Variants in IPCEF1 observed in about 807,000 individuals in gnomAD.
IPCEF1 encodes interaction protein for cytohesin exchange factors 1, also known as interactor protein for cytohesin exchange factors 1.
IPCEF1 carries 31 observed loss-of-function variants against 50.9 expected under a neutral mutation model. That is an observed-to-expected ratio of 0.61 (90% confidence interval 0.46 to 0.82). IPCEF1 has a LOEUF of 0.82. Ranked by LOEUF, IPCEF1 falls within the 40% of genes least tolerant of loss-of-function variation. IPCEF1 has a pLI of 0.00. For synonymous variants in IPCEF1, 181 were observed against 192.0 expected (o/e 0.94, Z 0.47); for missense variants, 458 against 514.0 (o/e 0.89, Z 1.05).
intron 8 of IPCEF1, chr6:154,213,431 C>T (rs1470711460): frequency 6.5e-6 from 1 of 153,350 alleles, no homozygotes; most frequent in Non-Finnish European, 1.5e-5. Flanking sequence ...ACAATGGGTA[C>T]TTATTTTATG....
intron 1 of IPCEF1, among the ~76,000 whole-genome samples, chr6:154,315,611 C>A (rs1783196166): frequency 6.6e-6 from 1 of 152,090 alleles, no homozygotes. Flanking sequence ...CCATTAATGA[C>A]AACTAAGTCC....
chr6:154,166,402 G>A (rs940265395), intron 11 of IPCEF1, among the ~76,000 whole-genome samples: 1 of 152,202 alleles, frequency 6.6e-6, no homozygotes, highest in Non-Finnish European at 1.5e-5. Flanking sequence ...AACTGCACAT[G>A]CTCTCCGCGG....
At chr6:154,172,186 TAGGAAC>T (rs1404698326) in intron 10 of IPCEF1, among the ~76,000 whole-genome samples, 2 of 152,212 alleles carry the variant, frequency 1.3e-5, no homozygotes, top group Admixed American at 1.3e-4. Context: ...GATAGCCAAA[TAGGAAC>T]AGCTCCAGTC....
intron 1 of IPCEF1, among the ~76,000 whole-genome samples, chr6:154,340,460 A>G (rs1206419833): frequency 6.6e-6 from 1 of 151,804 alleles, no homozygotes; most frequent in Non-Finnish European, 1.5e-5. Flanking sequence ...CATGTTGGCC[A>G]GGCTAGTCTC....
At position 154,235,351 on chromosome 6, in the gene IPCEF1, C is replaced by T. The variant is rs375392413; in HGVS notation, c.246+11240G>A. 1.4e-3 allele frequency among the ~76,000 whole-genome samples: 213 copies of T among 151,918 alleles called. 1 individual carries two copies. Among genetic ancestry groups the T allele is most frequent in the African/African-American group, 4.8e-3 (199 of 41,450 alleles). ...TTTGAGACCAGCCTGGCCCACATGG[C>T]GAAAACCCGTCTCTACTAAAAATAC... is the stretch of plus-strand genomic sequence containing the variant. On this transcript the variant is annotated intron_variant, in intron 5 of 11. Coordinates refer to ENST00000367220, the MANE Select transcript of IPCEF1 (RefSeq NM_001130700.2).
At chr6:154,354,382 CCACCGTCACCTCCAACCACCAT>C (rs1784167351) in intron 1 of IPCEF1, among the ~76,000 whole-genome samples, 1 of 108,706 alleles carries the variant, frequency 9.2e-6, no homozygotes, top group African/African-American at 3.6e-5. Context: ...TCTGTCACCT[CCACCGTCACCTCCAACCACCAT>C]CTCCACCACC....
chr6:154,353,953 A>G (rs1212835213), intron 1 of IPCEF1, among the ~76,000 whole-genome samples: 2 of 152,222 alleles, frequency 1.3e-5, no homozygotes, highest in Non-Finnish European at 1.5e-5. Flanking sequence ...TCTTTTAAAA[A>G]CTCACTTTCA....
At chr6:154,231,626 G>A (rs12203053) in intron 5 of IPCEF1, among the ~76,000 whole-genome samples, 13,138 of 152,236 alleles carry the variant, frequency 0.086, 984 homozygotes, top group East Asian at 0.42. Context: ...TATATTTAAT[G>A]TGCTAATTTT....
In IPCEF1 at chr6:154,299,515, A is replaced by C. The variant is rs147376531; in HGVS notation, c.-61-9759T>G. On this transcript the variant is annotated intron_variant, in intron 1 of 11. Transcript: ENST00000367220. The stretch of plus-strand genomic sequence containing the variant: ...AACCATTATCCTTAGCAAACACTGC[A>C]TGCCCTCACTTATAAGTGGGAGCTG... 7.1e-4 allele frequency among the ~76,000 whole-genome samples: 100 copies of C among 141,680 alleles called. 9 individuals are homozygous for C. The East Asian group carries it at 0.019, about 27-fold the overall frequency. The allele number at this position is 141,680 out of a possible 152,430, so 92.9% of individuals were successfully genotyped here. A position where few individuals can be genotyped will look rare whatever the true frequency, so the allele number is the denominator to read the frequency against.
At chr6:154,248,046 A>G (rs1191080724) in intron 3 of IPCEF1, among the ~76,000 whole-genome samples, 1 of 152,204 alleles carries the variant, frequency 6.6e-6, no homozygotes, top group Non-Finnish European at 1.5e-5. Context: ...GTGAGAGTTC[A>G]GTAGCAATCA....
chr6:154,278,163 G>GA (rs1460480030), intron 2 of IPCEF1, among the ~76,000 whole-genome samples: 4 of 152,040 alleles, frequency 2.6e-5, no homozygotes, highest in South Asian at 2.1e-4. Flanking sequence ...CTCCTGCATA[G>GA]AAAAAAAGTT....
At position 154,158,902 on chromosome 6, in the gene IPCEF1, GTTTTTGTT is replaced by G. The variant is rs1406152588; in HGVS notation, c.*918_*925del. 2.0e-5 allele frequency: 3 copies of G among 151,988 alleles called. No homozygotes were observed. Among genetic ancestry groups the G allele is most frequent in the African/African-American group, 2.4e-5 (1 of 41,376 alleles). 9.4% of individuals were successfully genotyped at this position (151,988 alleles called of 1,614,324 possible). ...TTTAACTCTTTTGTTGCTTCCATGG[GTTTTTGTT>G]TTTTTGTTTTTTTGAGTAAAGATAT... On this transcript the variant is annotated 3_prime_UTR_variant, in exon 12 of 12. Coordinates refer to ENST00000367220, the MANE Select transcript of IPCEF1 (RefSeq NM_001130700.2).
intron 1 of IPCEF1, among the ~76,000 whole-genome samples, chr6:154,346,273 C>T (rs886527739): frequency 6.6e-6 from 1 of 152,086 alleles, no homozygotes; most frequent in African/African-American, 2.4e-5. Flanking sequence ...TTTATCTTCT[C>T]CTTGCTTATC....
chr6:154,160,647 T>C (rs564087615), intron 11 of IPCEF1, among the ~76,000 whole-genome samples: 7 of 152,196 alleles, frequency 4.6e-5, no homozygotes, highest in Non-Finnish European at 8.8e-5. Flanking sequence ...TTCTGCCTCC[T>C]CTGTAACCAA....
intron 5 of IPCEF1, among the ~76,000 whole-genome samples, chr6:154,243,820 ATC>A (rs1160520960): frequency 6.6e-6 from 1 of 152,190 alleles, no homozygotes; most frequent in Non-Finnish European, 1.5e-5. Context: ...AATTGACGCA[ATC>A]TCTCTGCATT....
chr6:154,319,531 G>A (rs186025242), intron 1 of IPCEF1, among the ~76,000 whole-genome samples: 4 of 152,018 alleles, frequency 2.6e-5, no homozygotes, highest in Admixed American at 1.3e-4. Flanking sequence ...ATGATCCCCC[G>A]CCCCCAGGCC....
chr6:154,209,560 T>A (rs1406616573), intron 9 of IPCEF1, among the ~76,000 whole-genome samples: 1 of 150,460 alleles, frequency 6.6e-6, no homozygotes, highest in Non-Finnish European at 1.5e-5. Flanking sequence ...GGTGGGAGGA[T>A]GACCTGAGCC....
chr6:154,203,091 A>G (rs1528045), intron 9 of IPCEF1, among the ~76,000 whole-genome samples: 12,519 of 152,180 alleles, frequency 0.082, 1,033 homozygotes, highest in East Asian at 0.43. Flanking sequence ...TTCTGGAGAA[A>G]CCAATAGCCA....
At chr6:154,219,985 AGTGTGTGT>A (rs57450665) in intron 7 of IPCEF1, among the ~76,000 whole-genome samples, 5,773 of 140,102 alleles carry the variant, frequency 0.041, 197 homozygotes, top group African/African-American at 0.091. Flanking sequence ...ACCTGTAAGG[AGTGTGTGT>A]GTGTGTGTGT....
Sources: gnomAD v4.1 joint callset for allele counts (sites outside exome capture counted in the v4.1 genomes callset) on GRCh38, gnomAD v4.1.1 for gene constraint, MANE v1.5 for transcripts, NCBI Gene and HGNC (gene_info 2026-07-23, HGNC 2026-07-21) for gene names.